The following RCHY1 variants were observed in gnomAD, a reference collection of about 807,000 sequenced individuals.
RCHY1 encodes ring finger and CHY zinc finger domain containing 1, also known as RING finger and CHY zinc finger domain-containing protein 1.
RCHY1 carries 21 observed loss-of-function variants against 41.6 expected under a neutral mutation model. That is an observed-to-expected ratio of 0.51 (90% CI 0.36 to 0.73). RCHY1 has a LOEUF of 0.73. RCHY1 is among the 30% of genes least tolerant of loss of function. RCHY1 has a pLI of 0.00. For missense variants in RCHY1, 265 were observed against 325.3 expected, an observed-to-expected ratio of 0.81 and a Z score of 1.43; for synonymous variants, 79 against 102.9, an observed-to-expected ratio of 0.77 and a Z score of 1.41.
intron 3 of RCHY1, among the ~76,000 whole-genome samples, chr4:75,495,291 T>C (rs540462177): frequency 1.3e-5 from 2 of 152,038 alleles, no homozygotes; most frequent in Admixed American, 6.6e-5. Context: ...GACTCTCCTA[T>C]GTATACTTCT....
intron 1 of RCHY1, among the ~76,000 whole-genome samples, chr4:75,511,599 T>C (rs574147187): frequency 6.6e-6 from 1 of 152,288 alleles, no homozygotes; most frequent in South Asian, 2.1e-4. Context: ...AAACTTCCCA[T>C]GTCATTGAAC....
chr4:75,487,316 G>A (rs1308241334), intron 8 of RCHY1, among the ~76,000 whole-genome samples: 1 of 150,934 alleles, frequency 6.6e-6, no homozygotes, highest in Non-Finnish European at 1.5e-5. Flanking sequence ...GAGACAAGGG[G>A]AAACAGATTT....
intron 3 of RCHY1, chr4:75,494,536 C>CCG: frequency 5.3e-6 from 1 of 190,252 alleles, no homozygotes; most frequent in Non-Finnish European, 1.1e-5. Context: ...TCTGTCTACA[C>CCG]AGAACCACTT....
intron 3 of RCHY1, among the ~76,000 whole-genome samples, chr4:75,500,393 G>A (rs763559185): frequency 1.3e-5 from 2 of 152,238 alleles, no homozygotes; most frequent in African/African-American, 2.4e-5. Context: ...GTACATTACA[G>A]TAAGGATATA....
intron 3 of RCHY1, among the ~76,000 whole-genome samples, chr4:75,500,099 C>T (rs910705663): frequency 3.3e-5 from 5 of 152,094 alleles, no homozygotes; most frequent in African/African-American, 1.2e-4. Flanking sequence ...CATGATTGTG[C>T]GATTGCACTC....
chr4:75,491,609 ACT>A lies in RCHY1; in HGVS notation c.536_536+1del, dbSNP rs779038657. The A allele has an allele frequency of 6.2e-7, 1 of 1,600,394 alleles. No individual in the cohort carries two copies. Among genetic ancestry groups the A allele is most frequent in the African/African-American group, 1.3e-5 (1 of 74,336 alleles). The stretch of plus-strand genomic sequence containing the variant: ...ATTATTTTTAAAATCCCAAACACTC[ACT>A]CTTTCAACATTTCTTCATAACACGT... On this transcript the variant is annotated splice_donor_variant and coding_sequence_variant, in exon 7 of 9. Transcript: ENST00000324439. LOFTEE classifies it high-confidence loss of function.
At chr4:75,499,896 T>C (rs1315662275) in intron 3 of RCHY1, among the ~76,000 whole-genome samples, 1 of 152,246 alleles carries the variant, frequency 6.6e-6, no homozygotes, top group Non-Finnish European at 1.5e-5. Flanking sequence ...TAATTGATTA[T>C]ACATTTCAAA....
In RCHY1 at chr4:75,481,692, T is replaced by G. The variant is rs1051990406; in HGVS notation, c.*846A>C. 1 of 152,226 alleles carries G rather than the reference T, an allele frequency of 6.6e-6. No homozygotes were observed. The highest frequency in any genetic ancestry group is 6.5e-5 in the Admixed American group (1 of 15,292). The allele number at this position is 152,226 out of a possible 1,614,324, so 9.4% of individuals were successfully genotyped here. A position where few individuals can be genotyped will look rare whatever the true frequency, so the allele number is the denominator to read the frequency against. On this transcript the variant is annotated 3_prime_UTR_variant, in exon 9 of 9. Coordinates refer to ENST00000324439, the MANE Select transcript of RCHY1 (RefSeq NM_015436.4). ...TGCTGTGAGGACAAGGACTTTTATC[T>G]TTATTGTTCACTGTTGTCTCTACAG...
At chr4:75,496,425 G>A (rs1170276230) in intron 3 of RCHY1, among the ~76,000 whole-genome samples, 1 of 152,048 alleles carries the variant, frequency 6.6e-6, no homozygotes, top group Non-Finnish European at 1.5e-5. Context: ...TCAGATAGGA[G>A]AGAGCTGCAC....
At position 75,487,561 on chromosome 4, in the gene RCHY1, T is replaced by C. The variant is rs1247547714; in HGVS notation, c.657+3020A>G. Among the ~76,000 whole-genome samples, 12 of 88,620 alleles carry C rather than the reference T, an allele frequency of 1.4e-4. 1 individual carries two copies. The highest frequency in any genetic ancestry group is 2.8e-4 in the Admixed American group (2 of 7,092). 58.1% of individuals were successfully genotyped at this position (88,620 alleles called of 152,430 possible). A position where few individuals can be genotyped will look rare whatever the true frequency, so the allele number is the denominator to read the frequency against. ...CATAATATATATATTCATAATATAT[T>C]CATAATATATATATTCATATATATA... On this transcript the variant is annotated intron_variant, in intron 8 of 8. Coordinates refer to ENST00000324439, the MANE Select transcript of RCHY1 (RefSeq NM_015436.4).
chr4:75,513,685 T>C (rs958149354), intron 1 of RCHY1, among the ~76,000 whole-genome samples: 4 of 152,220 alleles, frequency 2.6e-5, no homozygotes, highest in African/African-American at 4.8e-5. Flanking sequence ...TAATTTCCTA[T>C]TTAATGGCAA....
Position 75,514,336 on chromosome 4 carries a change from C to T in RCHY1, c.-50G>A. On this transcript the variant is annotated 5_prime_UTR_variant, in exon 1 of 9. Coordinates refer to ENST00000324439, the MANE Select transcript of RCHY1 (RefSeq NM_015436.4). ...ACCGATCCTTCCCCCAGGATAAAAA[C>T]CACGCCCAGAGAAGCTGCGCCTCTC... is the stretch of plus-strand genomic sequence containing the variant. The T allele has an allele frequency of 6.3e-7, 1 of 1,580,374 alleles. No individual in the cohort carries two copies. Among genetic ancestry groups the T allele is most frequent in the Non-Finnish European group, 8.7e-7 (1 of 1,155,896 alleles).
chr4:75,499,580 TACTC>T (rs893941981), intron 3 of RCHY1, among the ~76,000 whole-genome samples: 4 of 152,248 alleles, frequency 2.6e-5, no homozygotes, highest in African/African-American at 4.8e-5. Context: ...TACGGAGTAT[TACTC>T]AGCCATTAAA....
chr4:75,494,264 C>G (rs1408745332), intron 3 of RCHY1, 85 bp from the exon 4 acceptor site: 1 of 971,196 alleles, frequency 1.0e-6, no homozygotes, highest in Non-Finnish European at 1.5e-6. Flanking sequence ...CAAGTTTAGT[C>G]TCTGTAAAAA....
At chr4:75,489,538 C>T (rs2148723098) in intron 8 of RCHY1, among the ~76,000 whole-genome samples, 1 of 96,506 alleles carries the variant, frequency 1.0e-5, no homozygotes, top group East Asian at 3.2e-4. Context: ...GACTGGATTG[C>T]CTTGGTCAAA....
chr4:75,492,069 T>C (rs1722799735), intron 4 of RCHY1, 136 bp from the exon 5 acceptor site: 1 of 581,194 alleles, frequency 1.7e-6, no homozygotes, highest in African/African-American at 1.9e-5. Context: ...TTTTTATATG[T>C]AAGAAGAGTT....
rs1166753784 is a variant in RCHY1 at position 75,481,060 on chromosome 4, C to T, written c.*1478G>A. The T allele has an allele frequency of 6.6e-6, 1 of 152,228 alleles. No individual in the cohort carries two copies. Among genetic ancestry groups the T allele is most frequent in the African/African-American group, 2.4e-5 (1 of 41,450 alleles). 9.4% of individuals were successfully genotyped at this position (152,228 alleles called of 1,614,324 possible). A position where few individuals can be genotyped will look rare whatever the true frequency, so the allele number is the denominator to read the frequency against. On this transcript the variant is annotated 3_prime_UTR_variant, in exon 9 of 9. Transcript: ENST00000324439. ...ACTAATTGGTAATACCCAGGAACAT[C>T]CTTTCCCAAATGAAGATCAGCACTG...
intron 1 of RCHY1, among the ~76,000 whole-genome samples, chr4:75,511,150 T>C (rs1724822029): frequency 6.6e-6 from 1 of 152,220 alleles, no homozygotes; most frequent in Admixed American, 6.5e-5. Context: ...GTTTTACTCA[T>C]GCATTGGTCA....
intron 3 of RCHY1, among the ~76,000 whole-genome samples, chr4:75,494,693 T>C (rs1379094525): frequency 6.6e-6 from 1 of 151,882 alleles, no homozygotes; most frequent in Non-Finnish European, 1.5e-5. Context: ...CACATGTTGA[T>C]TATTTTTTAC....
Sources: allele counts gnomAD v4.1 joint callset (sites outside exome capture counted in the v4.1 genomes callset), GRCh38; gene constraint gnomAD v4.1.1; transcripts MANE v1.5; gene names NCBI Gene and HGNC (gene_info 2026-07-23, HGNC 2026-07-21).